The following PLXNB2 variants were observed in gnomAD, a reference collection of about 807,000 sequenced individuals.
PLXNB2 encodes plexin B2, also known as plexin-B2.
In PLXNB2, 85 loss-of-function variants were observed where a neutral mutation model predicts 202.6. The ratio of observed to expected loss-of-function variants is 0.42; its 90% CI spans 0.35 to 0.50. The LOEUF (loss-of-function observed/expected upper bound fraction) is 0.50. Among genes scored for constraint, PLXNB2 ranks in the 20% least tolerant of loss-of-function variants. PLXNB2 has a pLI of 0.02. For synonymous variants in PLXNB2, 1,239 were observed against 1,137.6 expected (o/e 1.09, Z -1.79); for missense variants, 2,063 against 2,586.2 (o/e 0.80, Z 4.39).
At chr22:50,304,145 G>A (rs2067803152) in intron 1 of PLXNB2, among the ~76,000 whole-genome samples, 1 of 152,132 alleles carries the variant, frequency 6.6e-6, no homozygotes, top group Non-Finnish European at 1.5e-5. Context: ...AGAACCCCCA[G>A]CTCCACAGCC....
At chr22:50,299,618 TG>T (rs999442876) in intron 1 of PLXNB2, among the ~76,000 whole-genome samples, 6 of 150,356 alleles carry the variant, frequency 4.0e-5, no homozygotes, top group Admixed American at 6.6e-5. Context: ...GGCGTGGGGC[TG>T]GGGGGTCGGC....
chr22:50,287,116 C>G lies in PLXNB2; in HGVS notation c.1757G>C (p.Gly586Ala), dbSNP rs777552616. ...SPSSIPVTPP[G>A]QDHVAVTIQL... ...GGCTCGGGAAGGGGCCTCACCCTGG[C>G]CTGGCGGTGTGACGGGGATGCTGCT... Residue 586 changes from glycine (G) to alanine (A), a missense_variant, in exon 8 of 37, where the codon GGC (glycine) becomes GCC (alanine). Transcript: ENST00000359337. 2 of 1,519,210 alleles carry G rather than the reference C, an allele frequency of 1.3e-6. No individual in the cohort carries two copies. Among genetic ancestry groups the G allele is most frequent in the African/African-American group, 2.8e-5 (2 of 72,182 alleles). 94.1% of individuals were successfully genotyped at this position (1,519,210 alleles called of 1,614,324 possible). A position where few individuals can be genotyped will look rare whatever the true frequency, so the allele number is the denominator to read the frequency against.
chr22:50,289,253 T>C lies in PLXNB2; in HGVS notation c.1069-111A>G. 2 of 1,056,954 alleles carry C rather than the reference T, an allele frequency of 1.9e-6. No individual in the cohort carries two copies. Among genetic ancestry groups the C allele is most frequent in the Admixed American group, 2.8e-5 (1 of 35,166 alleles). The allele number at this position is 1,056,954 out of a possible 1,614,324, so 65.5% of individuals were successfully genotyped here. A position where few individuals can be genotyped will look rare whatever the true frequency, so the allele number is the denominator to read the frequency against. ...CTTCCCTTCCCTCCGGCACACGTCC[T>C]ACACACGTCCCCGAGAACAGAACCC... On this transcript the variant is annotated intron_variant, in intron 3 of 36. Coordinates refer to ENST00000359337, the MANE Select transcript of PLXNB2 (RefSeq NM_012401.4). The surrounding 1 kb of genome is among the most constrained non-coding windows in gnomAD (Gnocchi z 8.0).
intron 33 of PLXNB2, 136 bp from the exon 34 acceptor site, chr22:50,277,042 C>T: frequency 1.5e-6 from 1 of 670,132 alleles, no homozygotes; most frequent in Admixed American, 2.3e-5. Context: ...CGCAGTGGCT[C>T]AGGCCTGTAA....
intron 1 of PLXNB2, among the ~76,000 whole-genome samples, chr22:50,307,128 A>G (rs2147744789): frequency 6.6e-6 from 1 of 151,840 alleles, no homozygotes; most frequent in African/African-American, 2.4e-5. Context: ...AGCAGGCCCC[A>G]GGGGGTGCGG....
Position 50,288,921 on chromosome 22 carries a change from G to A in PLXNB2, c.1251+39C>T, listed in dbSNP as rs188324222. On this transcript the variant is annotated intron_variant, in intron 4 of 36. Transcript: ENST00000359337. This position sits in a 1 kb window ranked among gnomAD's most constrained non-coding sequence, Gnocchi z 5.0. ...GAGGGTACGGGCCTTGTGCACAGAC[G>A]GGCCCTCCAGAGCCTCCCCGCCCCA... The A allele has an allele frequency of 2.7e-5, 44 of 1,608,658 alleles. No individual in the cohort carries two copies. The African/African-American group carries it at 4.1e-4, about 15-fold the overall frequency.
chr22:50,281,765 G>A, intron 20 of PLXNB2, 23 bp from the exon 21 acceptor site: 1 of 1,563,948 alleles, frequency 6.4e-7, no homozygotes, highest in Non-Finnish European at 8.7e-7. Context: ...CAGTGGTCGG[G>A]GTGAGGAGGA....
At chr22:50,278,397 A>G (rs769453161) in intron 30 of PLXNB2, 38 bp downstream of exon 30, 3 of 1,557,218 alleles carry the variant, frequency 1.9e-6, no homozygotes, top group Non-Finnish European at 2.6e-6. Flanking sequence ...GCTGACCACC[A>G]GGGGCTGGAA....
chr22:50,282,995 C>G (rs950749810), intron 17 of PLXNB2, 55 bp downstream of exon 17: 37 of 1,579,146 alleles, frequency 2.3e-5, no homozygotes, highest in African/African-American at 2.0e-4. Context: ...TAAGTGCCCC[C>G]CTCCATACCC....
In PLXNB2 at chr22:50,279,630, C is replaced by G. The variant is rs2147350212; in HGVS notation, c.4389G>C (p.Leu1463=). The G allele has an allele frequency of 6.2e-7, 1 of 1,613,558 alleles. No individual in the cohort carries two copies. The highest frequency in any genetic ancestry group is 1.1e-5 in the South Asian group (1 of 91,072). ...GGCGGCCCCCACCCCAGAAGCTCAC[C>G]AGGGGTGCGTACTCCACATCATCCC... ...LLGDDVEYAP[L]TVSVIVQDEG... is the part of the protein sequence containing the mutation. Residue 1463 remains leucine, a splice_region_variant and synonymous_variant, in exon 27 of 37, where the codon CTG becomes CTC. Coordinates refer to ENST00000359337, the MANE Select transcript of PLXNB2 (RefSeq NM_012401.4).
intron 8 of PLXNB2, 51 bp downstream of exon 8, chr22:50,287,060 G>T: frequency 6.9e-7 from 1 of 1,452,618 alleles, no homozygotes; most frequent in Non-Finnish European, 9.1e-7. Flanking sequence ...GTGTGCACAG[G>T]GCCCCGTGCG....
In PLXNB2 at chr22:50,284,044, G is replaced by A; in HGVS notation, c.2264-54C>T. ...CCCCGTGCCTGCCCGCCCCCGACCT[G>A]CTCCCCACTGCGCCCACCTGTCCCC... On this transcript the variant is annotated intron_variant, in intron 13 of 36. Coordinates refer to ENST00000359337, the MANE Select transcript of PLXNB2 (RefSeq NM_012401.4). This position sits in a 1 kb window ranked among gnomAD's most constrained non-coding sequence, Gnocchi z 8.0. 2.0e-6 allele frequency: 3 copies of A among 1,518,028 alleles called. No individual in the cohort carries two copies. Among genetic ancestry groups the A allele is most frequent in the South Asian group, 2.4e-5 (2 of 82,488 alleles). The allele number at this position is 1,518,028 out of a possible 1,614,324, so 94.0% of individuals were successfully genotyped here.
intron 8 of PLXNB2, 101 bp from the exon 9 acceptor site, chr22:50,286,388 C>A: frequency 1.3e-6 from 1 of 787,490 alleles, no homozygotes; most frequent in Non-Finnish European, 2.1e-6. Context: ...GGTGGAGACC[C>A]CTGGTCTTCA....
At chr22:50,306,119 T>C (rs2067873281) in intron 1 of PLXNB2, among the ~76,000 whole-genome samples, 2 of 152,278 alleles carry the variant, frequency 1.3e-5, no homozygotes, top group South Asian at 2.1e-4. Context: ...AATAATTCTT[T>C]CTTGGCAGGC....
At chr22:50,278,571 C>T (rs764141464) in intron 29 of PLXNB2, 25 bp downstream of exon 29, 21 of 1,604,158 alleles carry the variant, frequency 1.3e-5, no homozygotes, top group South Asian at 4.5e-5. Flanking sequence ...GCCCAGTTCT[C>T]GCCCGCCCCG....
intron 2 of PLXNB2, among the ~76,000 whole-genome samples, chr22:50,293,762 C>T (rs1314546147): frequency 1.3e-5 from 2 of 152,226 alleles, no homozygotes; most frequent in African/African-American, 2.4e-5. Context: ...ACCCCTCAGC[C>T]GTCCCCCAGC....
intron 1 of PLXNB2, among the ~76,000 whole-genome samples, chr22:50,306,826 C>G (rs900199184): frequency 2.0e-5 from 3 of 152,222 alleles, no homozygotes; most frequent in African/African-American, 7.2e-5. Flanking sequence ...AAGGGCCTGG[C>G]AGGAAGCCCC....
intron 18 of PLXNB2, 36 bp from the exon 19 acceptor site, chr22:50,282,349 AG>A: frequency 6.4e-7 from 1 of 1,555,612 alleles, no homozygotes. Flanking sequence ...CTCGGCTGGC[AG>A]GGGTGGTCCC....
chr22:50,278,027 G>A lies in PLXNB2; in HGVS notation c.4888-14C>T. On this transcript the variant is annotated splice_polypyrimidine_tract_variant and intron_variant, in intron 31 of 36. Coordinates refer to ENST00000359337, the MANE Select transcript of PLXNB2 (RefSeq NM_012401.4). Reference sequence around the variant, plus strand: ...CTGCAGTGTGCCCTGTGGGGGGGAGGGTCTCAGCGTGACGCCGTGGGCGCG... The same window carrying A: ...CTGCAGTGTGCCCTGTGGGGGGGAGAGTCTCAGCGTGACGCCGTGGGCGCG... 6.2e-7 allele frequency: 1 copy of A among 1,608,644 alleles called. No homozygotes were observed. The highest frequency in any genetic ancestry group is 8.5e-7 in the Non-Finnish European group (1 of 1,176,536).
Sources: allele counts gnomAD v4.1 joint callset (sites outside exome capture counted in the v4.1 genomes callset), GRCh38; gene constraint gnomAD v4.1.1; non-coding constraint Gnocchi (gnomAD v3.1); transcripts MANE v1.5; gene names NCBI Gene and HGNC (gene_info 2026-07-23, HGNC 2026-07-21).